The following CPXM2 variants were observed in gnomAD, a reference collection of about 807,000 sequenced individuals.
CPXM2 encodes the protein carboxypeptidase X, M14 family member 2.
Under a neutral mutation model 86.1 loss-of-function variants are expected in CPXM2, and 66 were observed. The observed-to-expected ratio is 0.77, with a 90% CI of 0.63 to 0.94. The LOEUF is 0.94. Ranked by LOEUF, CPXM2 falls within the 40% of genes least tolerant of loss-of-function variation. The pLI, the probability that CPXM2 is intolerant of heterozygous loss-of-function variation, is 0.00. For missense variants in CPXM2, 948 were observed against 1,026.3 expected (o/e 0.92, Z 1.04); for synonymous variants, 388 against 400.2 (o/e 0.97, Z 0.36).
chr10:123,799,160 A>G lies in CPXM2; in HGVS notation c.693T>C (p.Asn231=). 6.2e-7 allele frequency: 1 copy of G among 1,614,194 alleles called. No individual in the cohort carries two copies. ...TAACAGTGACCCACGTGTGGCTGTC[A>G]TTGCTCACCATGACCTTATAGGATG... is the stretch of plus-strand genomic sequence containing the variant. ...WVTSYKVMVS[N]DSHTWVTVKN... The change falls in exon 5 of 14, where the codon AAT becomes AAC. Residue 231 remains asparagine, a synonymous_variant. Transcript: ENST00000241305.
rs372267017 is a variant in CPXM2 at position 123,858,927 on chromosome 10, C to T, written c.513+3687G>A. ...CCTTTTGACACTCACAATTCCATGACGGAGGAAGAGCCAGCGGTGGGACCT... is the reference window on the plus strand; with the variant it reads ...CCTTTTGACACTCACAATTCCATGATGGAGGAAGAGCCAGCGGTGGGACCT... On this transcript the variant is annotated intron_variant, in intron 3 of 13. Transcript: ENST00000241305. 1.4e-4 allele frequency among the ~76,000 whole-genome samples: 21 copies of T among 152,324 alleles called. No individual in the cohort carries two copies. In the East Asian group the frequency reaches 1.5e-3, roughly 11 times the overall value.
intron 6 of CPXM2, among the ~76,000 whole-genome samples, chr10:123,785,569 C>A (rs1847034035): frequency 6.6e-6 from 1 of 152,006 alleles, no homozygotes; most frequent in Non-Finnish European, 1.5e-5. Context: ...CTAGCTCAAG[C>A]AACTTTGGCT....
intron 2 of CPXM2, among the ~76,000 whole-genome samples, chr10:123,928,304 G>A (rs754663702): frequency 2.0e-5 from 3 of 152,200 alleles, no homozygotes; most frequent in Middle Eastern, 3.2e-3. Context: ...TGGATGGTCT[G>A]ATGACCCCTG....
intron 3 of CPXM2, among the ~76,000 whole-genome samples, chr10:123,851,693 C>T (rs2362687): frequency 0.11 from 15,884 of 150,022 alleles, 1,173 homozygotes; most frequent in Non-Finnish European, 0.16. Context: ...CGCTTGAACC[C>T]GGGAGATGGA....
chr10:123,905,673 C>T (rs78169892), intron 2 of CPXM2, among the ~76,000 whole-genome samples: 11,643 of 152,166 alleles, frequency 0.077, 579 homozygotes, highest in East Asian at 0.21. Context: ...CTCCTTCCCA[C>T]GCAGCTTCTC....
chr10:123,768,733 A>G lies in CPXM2; in HGVS notation c.1103-11T>C, dbSNP rs1846555723. On this transcript the variant is annotated splice_polypyrimidine_tract_variant and intron_variant, in intron 8 of 13. Coordinates refer to ENST00000241305, the MANE Select transcript of CPXM2 (RefSeq NM_198148.3). ...GGAACTCGGGCTCACCTTTACTCAA[A>G]GACAGAGAGAAGCACAGGTTCACGT... 2 of 1,605,068 alleles carry G rather than the reference A, an allele frequency of 1.2e-6. No individual in the cohort carries two copies. The highest frequency in any genetic ancestry group is 8.5e-7 in the Non-Finnish European group (1 of 1,179,268).
At chr10:123,893,409 G>A (rs1378705429), upstream of CPXM2, among the ~76,000 whole-genome samples, 3 of 152,172 alleles carry the variant, frequency 2.0e-5, no homozygotes, top group Admixed American at 1.3e-4. Flanking sequence ...TTCTGCGCAG[G>A]CCACTCCACC....
intron 2 of CPXM2, among the ~76,000 whole-genome samples, chr10:123,924,486 C>T (rs113646342): frequency 0.024 from 3,685 of 152,252 alleles, 160 homozygotes; most frequent in African/African-American, 0.085. Context: ...GATGAATAGC[C>T]AGAAGAAGAG....
In CPXM2 at chr10:123,891,463, C is replaced by A; in HGVS notation, c.197G>T (p.Gly66Val). The A allele has an allele frequency of 6.5e-7, 1 of 1,550,062 alleles. No individual in the cohort carries two copies. Among genetic ancestry groups the A allele is most frequent in the East Asian group, 2.4e-5 (1 of 40,836 alleles). ...CTGCGGGCGCCGCTCCCACTCCTCC[C>A]CGGGCCCCGCAGGCAGCGGCGGAGA... Reference protein sequence around the residue: ...TFSPPLPAGPGEEWERRPQEP... With the variant: ...TFSPPLPAGPVEEWERRPQEP... The change falls in exon 1 of 14, where the codon GGG (glycine) becomes GTG (valine). Residue 66 changes from glycine (G) to valine (V), a missense_variant. Coordinates refer to ENST00000241305, the MANE Select transcript of CPXM2 (RefSeq NM_198148.3). This position sits in a 1 kb window ranked among gnomAD's most constrained non-coding sequence, Gnocchi z 5.6.
At chr10:123,857,158 T>G (rs543761102) in intron 3 of CPXM2, among the ~76,000 whole-genome samples, 1 of 152,298 alleles carries the variant, frequency 6.6e-6, no homozygotes, top group East Asian at 1.9e-4. Context: ...AATGTAGTGA[T>G]AAAATGTAAA....
Position 123,911,344 on chromosome 10 carries a change from C to A in CPXM2, n.174+28133G>T, listed in dbSNP as rs186240247. ...CTGATGGTCCAGGGGACAGGTCCCC[C>A]GGCAGCTGCTAGGAAGTGCAGTCTG... On this transcript the variant is annotated intron_variant and non_coding_transcript_variant, in intron 2 of 19. Transcript: ENST00000368854. Among the ~76,000 whole-genome samples, 12 of 151,986 alleles carry A rather than the reference C, an allele frequency of 7.9e-5. No individual in the cohort carries two copies. In the South Asian group the frequency reaches 2.3e-3, roughly 29 times the overall value.
chr10:123,802,418 G>A (rs1847479463), intron 4 of CPXM2, among the ~76,000 whole-genome samples: 1 of 152,130 alleles, frequency 6.6e-6, no homozygotes, highest in African/African-American at 2.4e-5. Flanking sequence ...TAAAGGCTTT[G>A]TTCATTTTGT....
In CPXM2 at chr10:123,838,936, G is replaced by C. The variant is rs980348807; in HGVS notation, c.653+3413C>G. ...TGTGAGGGAGAAGAGGGGAGGACCA[G>C]GCAGGCGACTGTCCCCAAATCCTCA... On this transcript the variant is annotated intron_variant, in intron 4 of 13. Coordinates refer to ENST00000241305, the MANE Select transcript of CPXM2 (RefSeq NM_198148.3). 1.4e-4 allele frequency among the ~76,000 whole-genome samples: 21 copies of C among 152,288 alleles called. No homozygotes were observed. In the East Asian group the frequency reaches 1.5e-3, roughly 11 times the overall value.
At chr10:123,783,831 T>A (rs1846989766) in intron 6 of CPXM2, among the ~76,000 whole-genome samples, 1 of 152,180 alleles carries the variant, frequency 6.6e-6, no homozygotes, top group African/African-American at 2.4e-5. Context: ...TTTGATCCCT[T>A]CCTGTGGTTA....
Position 123,795,341 on chromosome 10 carries a change from G to A in CPXM2, c.889+2635C>T, listed in dbSNP as rs548584288. The stretch of plus-strand genomic sequence containing the variant: ...GCTCAAAAATTTCTGGAAACATTAT[G>A]CATAGAGTCTTAAAAAGCACCAGCA... On this transcript the variant is annotated intron_variant, in intron 6 of 13. Transcript: ENST00000241305. Among the ~76,000 whole-genome samples the A allele has an allele frequency of 2.0e-5, 3 of 152,272 alleles. No individual in the cohort carries two copies. In the East Asian group the frequency reaches 5.8e-4, roughly 29 times the overall value.
chr10:123,757,178 GT>G (rs1330970315), intron 12 of CPXM2, 34 bp downstream of exon 12: 1 of 1,600,652 alleles, frequency 6.2e-7, no homozygotes, highest in South Asian at 1.1e-5. Flanking sequence ...CCCCCAGCTA[GT>G]CCCCCTCATC....
chr10:123,835,849 CG>C (rs911150780), intron 4 of CPXM2, among the ~76,000 whole-genome samples: 1 of 152,128 alleles, frequency 6.6e-6, no homozygotes, highest in Non-Finnish European at 1.5e-5. Context: ...ACACAGAGGC[CG>C]GGACGATGCC....
chr10:123,870,724 C>T (rs903661747), intron 2 of CPXM2, among the ~76,000 whole-genome samples: 2 of 152,282 alleles, frequency 1.3e-5, no homozygotes, highest in African/African-American at 4.8e-5. Context: ...AGAGATGATC[C>T]TTCAGACCCT....
intron 2 of CPXM2, among the ~76,000 whole-genome samples, chr10:123,910,462 CCT>C (rs1232224899): frequency 6.6e-6 from 1 of 152,162 alleles, no homozygotes; most frequent in Non-Finnish European, 1.5e-5. Flanking sequence ...ACCCCCGGCC[CCT>C]GTTGCAGTTC....
Sources: allele counts gnomAD v4.1 joint callset (sites outside exome capture counted in the v4.1 genomes callset), GRCh38; gene constraint gnomAD v4.1.1; non-coding constraint Gnocchi (gnomAD v3.1); transcripts MANE v1.5; gene names NCBI Gene and HGNC (gene_info 2026-07-23, HGNC 2026-07-21).